Variants in GTF3C1 observed in about 807,000 individuals in gnomAD.
GTF3C1 encodes general transcription factor IIIC subunit 1.
In GTF3C1, 57 loss-of-function variants were observed where a neutral mutation model predicts 226.7. The ratio of observed to expected loss-of-function variants is 0.25; its 90% CI spans 0.20 to 0.31. The LOEUF is 0.31. GTF3C1 is among the 10% of genes least tolerant of loss of function. The pLI, the probability that GTF3C1 is intolerant of heterozygous loss-of-function variation, is 1.00. For synonymous variants in GTF3C1, 1,090 were observed against 1,084.8 expected, an observed-to-expected ratio of 1.00 and a Z score of -0.09; for missense variants, 2,217 against 2,776.1, an observed-to-expected ratio of 0.80 and a Z score of 4.53.
At chr16:27,503,437 A>G (rs934330105) in intron 10 of GTF3C1, among the ~76,000 whole-genome samples, 1 of 152,254 alleles carries the variant, frequency 6.6e-6, no homozygotes, top group Non-Finnish European at 1.5e-5. Context: ...AGAAGAAACC[A>G]GGGCTCTGTG....
At chr16:27,493,324 C>T (rs377720727) in intron 16 of GTF3C1, 28 bp from the exon 17 acceptor site, 90 of 1,182,636 alleles carry the variant, frequency 7.6e-5, no homozygotes, top group Non-Finnish European at 9.5e-5. Flanking sequence ...AGGTTCAGCT[C>T]GCCCTGAGGG....
In GTF3C1 at chr16:27,462,205, C is replaced by T; in HGVS notation, c.6117+89G>A. The T allele has an allele frequency of 3.4e-6, 3 of 877,010 alleles. No homozygotes were observed. The South Asian group carries it at 4.8e-5, about 14-fold the overall frequency. 54.3% of individuals were successfully genotyped at this position (877,010 alleles called of 1,614,324 possible). A position where few individuals can be genotyped will look rare whatever the true frequency, so the allele number is the denominator to read the frequency against. Reference sequence around the variant, plus strand: ...GCAGGCAAGCAGTATGGTGGTACTGCATGTTGCCTGGGGCCTGAACATCAC... The same window carrying T: ...GCAGGCAAGCAGTATGGTGGTACTGTATGTTGCCTGGGGCCTGAACATCAC... On this transcript the variant is annotated intron_variant, in intron 36 of 36. Coordinates refer to ENST00000356183, the MANE Select transcript of GTF3C1 (RefSeq NM_001520.4). The surrounding 1 kb of genome is among the most constrained non-coding windows in gnomAD (Gnocchi z 4.5).
intron 29 of GTF3C1, among the ~76,000 whole-genome samples, chr16:27,475,712 C>T (rs1420882692): frequency 6.6e-6 from 1 of 152,172 alleles, no homozygotes; most frequent in Non-Finnish European, 1.5e-5. Flanking sequence ...CTTTCAGCCG[C>T]AGTAGAGCGG....
rs2087743951 is a variant in GTF3C1, at chr16:27,463,992, C to T, written c.5872+328G>A. 4 of 418,272 alleles carry T rather than the reference C, an allele frequency of 9.6e-6. No homozygotes were observed. Among genetic ancestry groups the T allele is most frequent in the South Asian group, 4.3e-5 (1 of 23,186 alleles). 25.9% of individuals were successfully genotyped at this position (418,272 alleles called of 1,614,324 possible). A position where few individuals can be genotyped will look rare whatever the true frequency, so the allele number is the denominator to read the frequency against. ...GACAGACGTGCAGGAAAGGAAAGGGCGTGCTGCCACCCGAGGAAGTTGAGA... is the reference window on the plus strand; with the variant it reads ...GACAGACGTGCAGGAAAGGAAAGGGTGTGCTGCCACCCGAGGAAGTTGAGA... On this transcript the variant is annotated intron_variant, in intron 34 of 36. Coordinates refer to ENST00000356183, the MANE Select transcript of GTF3C1 (RefSeq NM_001520.4). This position sits in a 1 kb window ranked among gnomAD's most constrained non-coding sequence, Gnocchi z 4.9.
chr16:27,466,858 T>A (rs1175973027), intron 32 of GTF3C1, among the ~76,000 whole-genome samples: 1 of 152,186 alleles, frequency 6.6e-6, no homozygotes, highest in Non-Finnish European at 1.5e-5. Flanking sequence ...CAAAGCCTAA[T>A]CCAGAGAAAG....
intron 6 of GTF3C1, among the ~76,000 whole-genome samples, chr16:27,520,509 T>A (rs2088728822): frequency 6.6e-6 from 1 of 152,210 alleles, no homozygotes; most frequent in African/African-American, 2.4e-5. Context: ...TCTCACCCAG[T>A]TCTTTCCTCT....
At position 27,473,822 on chromosome 16, in the gene GTF3C1, T is replaced by C. The variant is rs531099179; in HGVS notation, c.4354-1902A>G. ...AGACCTTATGGGGGAACACTCTCCA[T>C]GTGGTGGGCGGGAGAAGCTGGGAGT... On this transcript the variant is annotated intron_variant, in intron 29 of 36. Coordinates refer to ENST00000356183, the MANE Select transcript of GTF3C1 (RefSeq NM_001520.4). Among the ~76,000 whole-genome samples, 38 of 152,312 alleles carry C rather than the reference T, an allele frequency of 2.5e-4. No individual in the cohort carries two copies. The East Asian group carries it at 7.2e-3, about 29-fold the overall frequency.
chr16:27,489,112 A>G lies in GTF3C1; in HGVS notation c.3360T>C (p.Asp1120=). 1 of 1,613,936 alleles carries G rather than the reference A, an allele frequency of 6.2e-7. No individual in the cohort carries two copies. Among genetic ancestry groups the G allele is most frequent in the South Asian group, 1.1e-5 (1 of 91,060 alleles). Residue 1120 remains aspartate, a synonymous_variant, in exon 21 of 37, where the codon GAT becomes GAC. Transcript: ENST00000356183. ...PGDGLGAAGL[D]SSFYGHLKRN... The stretch of plus-strand genomic sequence containing the variant: ...GCTTGAGGTGTCCGTAGAAGCTGGA[A>G]TCGAGCCCTGCGGCACCCAGCCCAT...
At position 27,476,433 on chromosome 16, in the gene GTF3C1, C is replaced by T. The variant is rs767880227; in HGVS notation, c.4353+18G>A. The T allele has an allele frequency of 5.2e-6, 8 of 1,526,944 alleles. No individual in the cohort carries two copies. Among genetic ancestry groups the T allele is most frequent in the Middle Eastern group, 1.7e-4 (1 of 5,914 alleles). 94.6% of individuals were successfully genotyped at this position (1,526,944 alleles called of 1,614,324 possible). ...AGGGCCCACATCCCCGCTGTGCTGC[C>T]GGGCAGCCGACACCCACCTGGAATG... On this transcript the variant is annotated intron_variant, in intron 29 of 36. Coordinates refer to ENST00000356183, the MANE Select transcript of GTF3C1 (RefSeq NM_001520.4).
chr16:27,513,140 G>A (rs1281425209), intron 6 of GTF3C1, among the ~76,000 whole-genome samples: 1 of 152,160 alleles, frequency 6.6e-6, no homozygotes, highest in Non-Finnish European at 1.5e-5. Context: ...GATTATCTGG[G>A]TGGGCTCAAT....
At chr16:27,526,893 G>C (rs2088841408) in intron 6 of GTF3C1, among the ~76,000 whole-genome samples, 1 of 152,228 alleles carries the variant, frequency 6.6e-6, no homozygotes, top group East Asian at 1.9e-4. Flanking sequence ...GAGTAAAAAG[G>C]ATGGGACAAA....
chr16:27,534,357 T>G (rs1596658647), intron 4 of GTF3C1, among the ~76,000 whole-genome samples: 1 of 152,218 alleles, frequency 6.6e-6, no homozygotes, highest in Non-Finnish European at 1.5e-5. Context: ...TTGTGGCCAG[T>G]TCGGCTGGAC....
At chr16:27,537,371 A>G (rs1462483601) in intron 4 of GTF3C1, among the ~76,000 whole-genome samples, 1 of 152,176 alleles carries the variant, frequency 6.6e-6, no homozygotes, top group Non-Finnish European at 1.5e-5. Context: ...AACAAATGCC[A>G]TTTTTTAAAA....
At chr16:27,473,169 T>C (rs933789667) in intron 29 of GTF3C1, among the ~76,000 whole-genome samples, 7 of 152,234 alleles carry the variant, frequency 4.6e-5, no homozygotes, top group African/African-American at 1.4e-4. Flanking sequence ...CCCAAAGTGC[T>C]GGGATTACAG....
intron 6 of GTF3C1, 43 bp from the exon 7 acceptor site, chr16:27,511,944 G>A (rs1214363420): frequency 1.2e-6 from 2 of 1,608,074 alleles, no homozygotes; most frequent in Admixed American, 1.7e-5. Flanking sequence ...AGTGAAAGCA[G>A]TGCTGCGTGG....
chr16:27,504,684 G>C (rs2088457193), intron 10 of GTF3C1, among the ~76,000 whole-genome samples: 1 of 151,932 alleles, frequency 6.6e-6, no homozygotes, highest in South Asian at 2.1e-4. Flanking sequence ...GGGAGGCTAA[G>C]GCGGGAGGAT....
intron 1 of GTF3C1, among the ~76,000 whole-genome samples, chr16:27,545,810 C>CA (rs1156577498): frequency 6.6e-6 from 1 of 152,182 alleles, no homozygotes; most frequent in Non-Finnish European, 1.5e-5. Context: ...ATCTGGTACT[C>CA]AGTCTCCAAA....
Position 27,508,649 on chromosome 16 carries a change from C to T in GTF3C1, c.1133G>A (p.Arg378His), listed in dbSNP as rs745653463. Reference sequence around the variant, plus strand: ...TTGGGAAATTCCTTTCGTGCCTCTGCGCTCAACTGTGAGAAACAATACACG... The same window carrying T: ...TTGGGAAATTCCTTTCGTGCCTCTGTGCTCAACTGTGAGAAACAATACACG... ...MLTQTYDLIE[R>H]RGTKGISQAE... The change falls in exon 8 of 37, where the codon CGC (arginine) becomes CAC (histidine). Residue 378 changes from arginine (R) to histidine (H), a missense_variant. Physicochemically the swap from Arg to His is conservative, Grantham distance 29. Around this residue, in one of 12 missense-constraint regions of GTF3C1, gnomAD observed 163 missense variants for 234.3 expected, o/e 0.70. Transcript: ENST00000356183. 1.4e-5 allele frequency: 23 copies of T among 1,612,978 alleles called. No homozygotes were observed. In the Middle Eastern group the frequency reaches 4.9e-4, roughly 35 times the overall value.
In GTF3C1 at chr16:27,488,396, A is replaced by C. The variant is rs116644407; in HGVS notation, c.3531T>G (p.Ile1177Met). The change falls in exon 23 of 37, where the codon ATT (isoleucine) becomes ATG (methionine). Residue 1177 changes from isoleucine to methionine, a missense_variant. Physicochemically the swap from Ile to Met is conservative, Grantham distance 10. Coordinates refer to ENST00000356183, the MANE Select transcript of GTF3C1 (RefSeq NM_001520.4). ...LSARGNSRLN[I>M]WGEARVGSEL... is the part of the protein sequence containing the mutation. ...CGGAGCCTACTCTTGCTTCCCCCCA[A>C]ATATTCAACCTGCTGTTGCCTAGAC... 5.0e-6 allele frequency: 8 copies of C among 1,612,522 alleles called. No homozygotes were observed. Among genetic ancestry groups the C allele is most frequent in the African/African-American group, 2.7e-5 (2 of 74,838 alleles).
Sources: gnomAD v4.1 joint callset for allele counts (sites outside exome capture counted in the v4.1 genomes callset) on GRCh38, gnomAD v4.1.1 for gene constraint, gnomAD v4.1.1 regional missense constraint, Gnocchi (gnomAD v3.1) non-coding constraint, MANE v1.5 for transcripts, NCBI Gene and HGNC (gene_info 2026-07-23, HGNC 2026-07-21) for gene names.